ST6GAL1: variants seen among roughly 807,000 people sequenced by gnomAD.
ST6GAL1 encodes beta-galactoside alpha-2,6-sialyltransferase 1.
In ST6GAL1, 20 loss-of-function variants were observed where a neutral mutation model predicts 38.0. The observed-to-expected ratio is 0.53, with a 90% CI of 0.37 to 0.77. The LOEUF is 0.77. Ranked by LOEUF, ST6GAL1 falls within the 30% of genes least tolerant of loss-of-function variation. The probability of loss-of-function intolerance (pLI) is 0.00; values close to 1 mark genes in which losing one functional copy is unlikely to be tolerated. For missense variants in ST6GAL1, 432 were observed against 496.4 expected, an observed-to-expected ratio of 0.87 and a Z score of 1.23; for synonymous variants, 196 against 188.2, an observed-to-expected ratio of 1.04 and a Z score of -0.34.
At chr3:186,987,190 G>GGGAA (rs1553821953) in intron 2 of ST6GAL1, among the ~76,000 whole-genome samples, 28 of 120,854 alleles carry the variant, frequency 2.3e-4, no homozygotes, top group African/African-American at 7.6e-4. Context: ...CAGGGAGGGA[G>GGGAA]GGAGGGAGGG....
At position 187,059,006 on chromosome 3, in the gene ST6GAL1, G is replaced by T. The variant is rs557245125; in HGVS notation, c.705+7660G>T. Among the ~76,000 whole-genome samples the T allele has an allele frequency of 4.6e-5, 7 of 152,252 alleles. No individual in the cohort carries two copies. In the East Asian group the frequency reaches 1.2e-3, roughly 25 times the overall value. Reference sequence around the variant, plus strand: ...GGACTGGCTAGCAAGAAGCTCTCTGGGGCAAATGACAGTTGAGCTAGACTT... The same window carrying T: ...GGACTGGCTAGCAAGAAGCTCTCTGTGGCAAATGACAGTTGAGCTAGACTT... On this transcript the variant is annotated intron_variant, in intron 5 of 7. Coordinates refer to ENST00000169298, the MANE Select transcript of ST6GAL1 (RefSeq NM_173216.2).
At position 186,959,444 on chromosome 3, in the gene ST6GAL1, G is replaced by A. The variant is rs904174919; in HGVS notation, c.-324-4341G>A. On this transcript the variant is annotated intron_variant, in intron 1 of 7. Coordinates refer to ENST00000169298, the MANE Select transcript of ST6GAL1 (RefSeq NM_173216.2). ...TCTGAAAATGGAGAAGACACTCCTC[G>A]CTTCATAGGCTTGTGTGAAGAATAA... 5.9e-5 allele frequency among the ~76,000 whole-genome samples: 9 copies of A among 152,262 alleles called. No individual in the cohort carries two copies. The South Asian group carries it at 6.2e-4, about 11-fold the overall frequency.
intron 1 of ST6GAL1, among the ~76,000 whole-genome samples, chr3:186,961,069 T>C (rs1373277607): frequency 6.6e-6 from 1 of 151,804 alleles, no homozygotes; most frequent in Non-Finnish European, 1.5e-5. Flanking sequence ...TTCCACCTCC[T>C]GGGTTCAAGC....
chr3:187,065,781 A>G (rs2108598003), intron 5 of ST6GAL1, among the ~76,000 whole-genome samples: 1 of 152,326 alleles, frequency 6.6e-6, no homozygotes, highest in Non-Finnish European at 1.5e-5. Context: ...CTTATCTTGA[A>G]ATAATAGTTG....
chr3:186,989,528 T>C (rs1012910065), intron 2 of ST6GAL1, among the ~76,000 whole-genome samples: 3 of 152,186 alleles, frequency 2.0e-5, no homozygotes, highest in Non-Finnish European at 4.4e-5. Flanking sequence ...TCCACTAAGA[T>C]CTTTTCTAGC....
chr3:187,020,635 C>G (rs1470130108), intron 2 of ST6GAL1, among the ~76,000 whole-genome samples: 1 of 152,220 alleles, frequency 6.6e-6, no homozygotes, highest in African/African-American at 2.4e-5. Flanking sequence ...CCTCTACTTG[C>G]AACCCTCTTT....
chr3:187,036,408 C>T (rs1442698521), intron 2 of ST6GAL1, among the ~76,000 whole-genome samples: 2 of 152,236 alleles, frequency 1.3e-5, no homozygotes, highest in East Asian at 3.9e-4. Flanking sequence ...GGTATATATC[C>T]AAAAGGAAAT....
intron 3 of ST6GAL1, among the ~76,000 whole-genome samples, chr3:187,041,131 A>G (rs923175118): frequency 6.6e-6 from 1 of 152,178 alleles, no homozygotes; most frequent in African/African-American, 2.4e-5. Context: ...TTCAAATCCA[A>G]TGAATACCAT....
intron 2 of ST6GAL1, among the ~76,000 whole-genome samples, chr3:186,991,631 G>A (rs1404374047): frequency 6.6e-6 from 1 of 152,112 alleles, no homozygotes; most frequent in African/African-American, 2.4e-5. Flanking sequence ...TGGCCTCTCC[G>A]AGTCTCACCT....
At chr3:186,985,172 G>T (rs1372003148) in intron 2 of ST6GAL1, among the ~76,000 whole-genome samples, 1 of 152,076 alleles carries the variant, frequency 6.6e-6, no homozygotes, top group African/African-American at 2.4e-5. Flanking sequence ...GCCTCCCAAA[G>T]TGTTGGGATT....
chr3:186,967,520 G>T (rs1715184951), intron 2 of ST6GAL1, among the ~76,000 whole-genome samples: 1 of 152,172 alleles, frequency 6.6e-6, no homozygotes, highest in Non-Finnish European at 1.5e-5. Flanking sequence ...TACCTAACTT[G>T]CTAACTGGGG....
At chr3:187,048,296 T>C (rs1041816176) in intron 4 of ST6GAL1, among the ~76,000 whole-genome samples, 28 of 152,128 alleles carry the variant, frequency 1.8e-4, no homozygotes, top group Non-Finnish European at 3.7e-4. Context: ...GGCCCCCATG[T>C]CCGTGTATGA....
At chr3:187,051,987 G>A (rs561683772) in intron 5 of ST6GAL1, among the ~76,000 whole-genome samples, 4 of 152,178 alleles carry the variant, frequency 2.6e-5, no homozygotes, top group African/African-American at 9.6e-5. Context: ...GCACAATAGG[G>A]CTGCAACCTG....
At chr3:187,065,358 C>A (rs986854553) in intron 5 of ST6GAL1, among the ~76,000 whole-genome samples, 1 of 152,198 alleles carries the variant, frequency 6.6e-6, no homozygotes, top group South Asian at 2.1e-4. Flanking sequence ...CCTCCCTTGG[C>A]CATGATGAAG....
At chr3:187,064,151 GA>G (rs948183936) in intron 5 of ST6GAL1, among the ~76,000 whole-genome samples, 1 of 151,324 alleles carries the variant, frequency 6.6e-6, no homozygotes. Flanking sequence ...AATTTTTAGG[GA>G]AAAAAAGGTA....
chr3:187,065,455 A>G (rs1719069434), intron 5 of ST6GAL1, among the ~76,000 whole-genome samples: 1 of 152,258 alleles, frequency 6.6e-6, no homozygotes, highest in Non-Finnish European at 1.5e-5. Context: ...TCAGGCCAGC[A>G]GACCTAGTCA....
At chr3:186,940,584 GT>G (rs1379425877) in intron 1 of ST6GAL1, among the ~76,000 whole-genome samples, 3 of 152,090 alleles carry the variant, frequency 2.0e-5, no homozygotes, top group Non-Finnish European at 4.4e-5. Flanking sequence ...AAAATTATGC[GT>G]TTTTTTGTGT....
intron 5 of ST6GAL1, among the ~76,000 whole-genome samples, chr3:187,051,864 G>A (rs1020537566): frequency 1.2e-4 from 19 of 152,078 alleles, no homozygotes; most frequent in Admixed American, 1.1e-3. Flanking sequence ...AGCACATGCC[G>A]ATTTCTCAAT....
intron 2 of ST6GAL1, among the ~76,000 whole-genome samples, chr3:186,967,262 G>T (rs1383664469): frequency 1.3e-5 from 2 of 152,180 alleles, no homozygotes; most frequent in African/African-American, 4.8e-5. Context: ...CGCAATCTCA[G>T]CTCACTGCAA....
Sources: allele counts gnomAD v4.1 joint callset (sites outside exome capture counted in the v4.1 genomes callset), GRCh38; gene constraint gnomAD v4.1.1; transcripts MANE v1.5; gene names NCBI Gene and HGNC (gene_info 2026-07-23, HGNC 2026-07-21).